The following FSTL5 variants were observed in gnomAD, a reference collection of about 807,000 sequenced individuals.
FSTL5 encodes the protein follistatin-related protein 5.
In FSTL5, 62 loss-of-function variants were observed where a neutral mutation model predicts 89.1. The observed-to-expected ratio is 0.70, with a 90% CI of 0.57 to 0.86. The LOEUF (loss-of-function observed/expected upper bound fraction) is 0.86, where lower values mean the gene tolerates loss of function less well. FSTL5 is among the 40% of genes least tolerant of loss of function. The probability of loss-of-function intolerance (pLI) is 0.00; values close to 1 mark genes in which losing one functional copy is unlikely to be tolerated. For synonymous variants in FSTL5, 383 were observed against 346.2 expected (o/e 1.11, Z -1.18); for missense variants, 1,057 against 1,001.6 (o/e 1.06, Z -0.75).
intron 8 of FSTL5, among the ~76,000 whole-genome samples, chr4:161,572,364 A>C (rs1733049793): frequency 6.7e-6 from 1 of 150,210 alleles, no homozygotes; most frequent in Admixed American, 6.6e-5. Context: ...AGAGAGAAAG[A>C]GAAAGAAGAA....
chr4:161,474,606 C>A (rs1054786815), intron 13 of FSTL5, among the ~76,000 whole-genome samples: 17 of 149,028 alleles, frequency 1.1e-4, no homozygotes, highest in Non-Finnish European at 2.1e-4. Context: ...AGTGCAGTGG[C>A]AGGATCTCGG....
chr4:161,402,172 C>T (rs1006882205), intron 15 of FSTL5, among the ~76,000 whole-genome samples: 7 of 152,106 alleles, frequency 4.6e-5, no homozygotes, highest in African/African-American at 1.7e-4. Context: ...GAAAATGAAA[C>T]ACAAACGCAC....
intron 3 of FSTL5, among the ~76,000 whole-genome samples, chr4:161,945,550 G>A (rs569879216): frequency 2.0e-4 from 30 of 152,200 alleles, no homozygotes; most frequent in Non-Finnish European, 2.6e-4. Context: ...TCAGGAGTTC[G>A]ACACCAGCCT....
chr4:161,693,112 T>G (rs1579025992), intron 6 of FSTL5, among the ~76,000 whole-genome samples: 2 of 152,206 alleles, frequency 1.3e-5, no homozygotes, highest in South Asian at 4.1e-4. Flanking sequence ...TATTTAGTCA[T>G]GGCAGCTCTA....
At chr4:161,531,876 A>T (rs1731422186) in intron 10 of FSTL5, among the ~76,000 whole-genome samples, 1 of 152,164 alleles carries the variant, frequency 6.6e-6, no homozygotes, top group Admixed American at 6.5e-5. Context: ...GCTTTTGAGA[A>T]ATAGATTTTT....
intron 7 of FSTL5, among the ~76,000 whole-genome samples, chr4:161,588,142 C>T (rs891687989): frequency 2.6e-5 from 4 of 151,812 alleles, no homozygotes; most frequent in Non-Finnish European, 4.4e-5. Context: ...CCACTGCACT[C>T]CAGCCTGGGT....
chr4:161,859,989 TAGAG>T (rs1188287622), intron 4 of FSTL5, among the ~76,000 whole-genome samples: 4 of 152,126 alleles, frequency 2.6e-5, no homozygotes, highest in Non-Finnish European at 4.4e-5. Context: ...TCAGAAGTAA[TAGAG>T]AGCATGGAAT....
intron 1 of FSTL5, among the ~76,000 whole-genome samples, chr4:162,119,602 C>T (rs1731778638): frequency 6.6e-6 from 1 of 152,174 alleles, no homozygotes; most frequent in Non-Finnish European, 1.5e-5. Flanking sequence ...ATATTAATAT[C>T]AATGTAGAAT....
chr4:161,879,964 A>T (rs115447389), intron 4 of FSTL5, among the ~76,000 whole-genome samples: 3,165 of 152,272 alleles, frequency 0.021, 106 homozygotes, highest in African/African-American at 0.069. Context: ...AATCTCTTAA[A>T]TGTTAATTTG....
chr4:161,525,270 T>C lies in FSTL5; in HGVS notation c.1312+12896A>G, dbSNP rs192873655. Among the ~76,000 whole-genome samples, 433 of 152,314 alleles carry C rather than the reference T, an allele frequency of 2.8e-3. 4 individuals are homozygous for C. The highest frequency in any genetic ancestry group is 1.6e-3 in the Non-Finnish European group (108 of 68,032). ...GTGTTGACCACATGCTAGCAACATG[T>C]TTCTTTGTTCCTCAAGAAACACTTA... On this transcript the variant is annotated intron_variant, in intron 10 of 15. Coordinates refer to ENST00000306100, the MANE Select transcript of FSTL5 (RefSeq NM_020116.5).
chr4:162,093,346 C>T (rs541755379), intron 2 of FSTL5, among the ~76,000 whole-genome samples: 1 of 152,228 alleles, frequency 6.6e-6, no homozygotes, highest in African/African-American at 2.4e-5. Context: ...TAGTAGATAA[C>T]AGGTCAAATG....
chr4:161,499,834 T>C (rs1730233294), intron 12 of FSTL5, among the ~76,000 whole-genome samples, 182 bp downstream of exon 12: 2 of 77,318 alleles, frequency 2.6e-5, no homozygotes, highest in Admixed American at 2.4e-4. Context: ...TAGGAATACA[T>C]AATATATTAT....
chr4:161,742,081 T>A (rs1356429183), intron 6 of FSTL5, among the ~76,000 whole-genome samples: 1 of 151,972 alleles, frequency 6.6e-6, no homozygotes, highest in East Asian at 1.9e-4. Context: ...TGGATAATAC[T>A]TTGGTATAGC....
intron 5 of FSTL5, among the ~76,000 whole-genome samples, chr4:161,769,465 A>G (rs1395799695): frequency 1.3e-5 from 2 of 151,992 alleles, no homozygotes; most frequent in Non-Finnish European, 2.9e-5. Flanking sequence ...GAATTCAACA[A>G]TAACTTCAAA....
chr4:161,808,542 A>G (rs1027854092), intron 4 of FSTL5, among the ~76,000 whole-genome samples: 2 of 152,192 alleles, frequency 1.3e-5, no homozygotes, highest in Non-Finnish European at 2.9e-5. Flanking sequence ...GAAAACTGTG[A>G]AACTCTTAGA....
chr4:162,065,726 A>C (rs1738873014), intron 2 of FSTL5, among the ~76,000 whole-genome samples: 1 of 152,088 alleles, frequency 6.6e-6, no homozygotes, highest in Non-Finnish European at 1.5e-5. Flanking sequence ...AGCCAAAATA[A>C]ATGAAATCAA....
At chr4:161,941,688 TA>T (rs1243210136) in intron 3 of FSTL5, among the ~76,000 whole-genome samples, 23 of 152,106 alleles carry the variant, frequency 1.5e-4, no homozygotes, top group Non-Finnish European at 1.8e-4. Context: ...TTTGCAGTTC[TA>T]GTTGCAGACT....
intron 6 of FSTL5, among the ~76,000 whole-genome samples, chr4:161,733,780 T>C (rs1043624808): frequency 6.6e-5 from 10 of 152,008 alleles, no homozygotes; most frequent in African/African-American, 2.4e-4. Context: ...CTGTATTTAC[T>C]TACTTTTATA....
chr4:161,852,793 G>T (rs1210556388), intron 4 of FSTL5, among the ~76,000 whole-genome samples: 1 of 152,116 alleles, frequency 6.6e-6, no homozygotes, highest in Non-Finnish European at 1.5e-5. Flanking sequence ...AAAAAGGAAT[G>T]AGATCATGTC....
Sources: gnomAD v4.1 joint callset for allele counts (sites outside exome capture counted in the v4.1 genomes callset) on GRCh38, gnomAD v4.1.1 for gene constraint, MANE v1.5 for transcripts, NCBI Gene and HGNC (gene_info 2026-07-23, HGNC 2026-07-21) for gene names.